MS4A4E: variants seen among roughly 807,000 people sequenced by gnomAD.
MS4A4E encodes the protein membrane spanning 4-domains A4E.
Under a neutral mutation model 13.3 loss-of-function variants are expected in MS4A4E, and 23 were observed. That is an observed-to-expected ratio of 1.73 (90% CI 1.25 to 2.45). The LOEUF (loss-of-function observed/expected upper bound fraction) is 2.45, where lower values mean the gene tolerates loss of function less well. Ranked by LOEUF, MS4A4E falls within the 30% of genes most tolerant of loss-of-function variation. The pLI is 0.00. For missense variants in MS4A4E, 144 were observed against 131.2 expected (o/e 1.10, Z -0.48); for synonymous variants, 36 against 45.6 (o/e 0.79, Z 0.85).
chr11:60,239,649 A>T (rs2084525047), intron 1 of MS4A4E, among the ~76,000 whole-genome samples: 1 of 152,202 alleles, frequency 6.6e-6, no homozygotes, highest in Non-Finnish European at 1.5e-5. Context: ...GACTAGGTAG[A>T]TACAAGACTA....
At chr11:60,209,800 A>C (rs2084096418) in intron 5 of MS4A4E, among the ~76,000 whole-genome samples, 1 of 152,240 alleles carries the variant, frequency 6.6e-6, no homozygotes, top group Non-Finnish European at 1.5e-5. Flanking sequence ...CTCCATGGTT[A>C]GGGATAGTCC....
chr11:60,228,672 T>A, intron 2 of MS4A4E, 45 bp from the exon 3 acceptor site: 1 of 691,342 alleles, frequency 1.4e-6, no homozygotes. Context: ...ATTGCCAAAG[T>A]TTGGAAGCCA....
At chr11:60,219,010 C>T (rs1158184612) in intron 3 of MS4A4E, among the ~76,000 whole-genome samples, 1 of 152,082 alleles carries the variant, frequency 6.6e-6, no homozygotes, top group Non-Finnish European at 1.5e-5. Context: ...TAAAAGATGG[C>T]CCACTGTGGG....
rs2083984654 is a variant in MS4A4E, at chr11:60,201,289, G to A, written c.*254C>T. 6.4e-6 allele frequency: 1 copy of A among 157,480 alleles called. No individual in the cohort carries two copies. Among genetic ancestry groups the A allele is most frequent in the African/African-American group, 2.5e-5 (1 of 39,964 alleles). The allele number at this position is 157,480 out of a possible 1,614,324, so 9.8% of individuals were successfully genotyped here. A position where few individuals can be genotyped will look rare whatever the true frequency, so the allele number is the denominator to read the frequency against. ...CGGATGGGGCAGCTGGCCTGGCGGG[G>A]GCTGACCCCCACCTCCCTCCCGGAC... On this transcript the variant is annotated 3_prime_UTR_variant, in exon 9 of 9. Transcript: ENST00000651255.
intron 1 of MS4A4E, among the ~76,000 whole-genome samples, chr11:60,240,528 C>A (rs1377452935): frequency 1.3e-5 from 2 of 152,140 alleles, no homozygotes; most frequent in Non-Finnish European, 2.9e-5. Context: ...ATTTCACCAC[C>A]TTTAGTATAA....
At chr11:60,225,375 G>A (rs12294531) in intron 3 of MS4A4E, among the ~76,000 whole-genome samples, 1,606 of 152,168 alleles carry the variant, frequency 0.011, 35 homozygotes, top group African/African-American at 0.036. Context: ...TACTTCTACC[G>A]CAACTGTTTC....
At chr11:60,215,861 A>G (rs937541068) in intron 3 of MS4A4E, among the ~76,000 whole-genome samples, 1 of 152,218 alleles carries the variant, frequency 6.6e-6, no homozygotes, top group Non-Finnish European at 1.5e-5. Flanking sequence ...AAAATGTTAT[A>G]TACAGAAATT....
chr11:60,222,620 A>AC (rs552115493), intron 3 of MS4A4E, among the ~76,000 whole-genome samples: 120 of 152,240 alleles, frequency 7.9e-4, no homozygotes, highest in African/African-American at 2.8e-3. Context: ...ACTTACCATC[A>AC]CCCCTAGTGA....
rs1341262336 is a variant in MS4A4E at position 60,200,962 on chromosome 11, TG to T, written c.*580del. Among the ~76,000 whole-genome samples, 3 of 108,314 alleles carry T rather than the reference TG, an allele frequency of 2.8e-5. No homozygotes were observed. Among genetic ancestry groups the T allele is most frequent in the South Asian group, 3.5e-4 (1 of 2,890 alleles). 71.1% of individuals were successfully genotyped at this position (108,314 alleles called of 152,430 possible). A position where few individuals can be genotyped will look rare whatever the true frequency, so the allele number is the denominator to read the frequency against. ...CTCCCGGACGGGGCGGCTGGCCGGG[TG>T]GGGGGCTGAACCCCCCACCTCCCTC... On this transcript the variant is annotated 3_prime_UTR_variant, in exon 9 of 9. Coordinates refer to ENST00000651255, the MANE Select transcript of MS4A4E (RefSeq NM_001393391.1).
intron 3 of MS4A4E, among the ~76,000 whole-genome samples, chr11:60,217,556 G>T (rs934719696): frequency 7.2e-5 from 11 of 152,190 alleles, no homozygotes; most frequent in African/African-American, 2.7e-4. Flanking sequence ...GTTGTGGGAA[G>T]TCAGGGACCC....
rs138796674 is a variant in MS4A4E at position 60,228,567 on chromosome 11, A to G, written c.178+27T>C. On this transcript the variant is annotated intron_variant, in intron 3 of 8. Coordinates refer to ENST00000651255, the MANE Select transcript of MS4A4E (RefSeq NM_001393391.1). ...TTCTTACAAAACTAAACATACTCTTACAATACAATATAGTAATCATACTTA... is the reference window on the plus strand; with the variant it reads ...TTCTTACAAAACTAAACATACTCTTGCAATACAATATAGTAATCATACTTA... 1.4e-3 allele frequency: 964 copies of G among 668,972 alleles called. 18 individuals carry two copies. In the Admixed American group the frequency reaches 0.019, roughly 13 times the overall value. 41.4% of individuals were successfully genotyped at this position (668,972 alleles called of 1,614,324 possible). A position where few individuals can be genotyped will look rare whatever the true frequency, so the allele number is the denominator to read the frequency against.
intron 3 of MS4A4E, among the ~76,000 whole-genome samples, chr11:60,218,586 C>A (rs1357382066): frequency 6.6e-6 from 1 of 152,076 alleles, no homozygotes; most frequent in Admixed American, 6.5e-5. Context: ...CAGAAAAGAA[C>A]CTACGTGACT....
At chr11:60,218,891 G>A (rs1455384405) in intron 3 of MS4A4E, among the ~76,000 whole-genome samples, 1 of 152,186 alleles carries the variant, frequency 6.6e-6, no homozygotes, top group Admixed American at 6.5e-5. Flanking sequence ...GTTGGATCAG[G>A]CTGAATTTAT....
In MS4A4E at chr11:60,201,679, G is replaced by C. The variant is rs867065020; in HGVS notation, c.860C>G (p.Ala287Gly). 7.4e-6 allele frequency: 2 copies of C among 268,704 alleles called. No individual in the cohort carries two copies. Among genetic ancestry groups the C allele is most frequent in the Non-Finnish European group, 7.7e-6 (1 of 130,652 alleles). 16.6% of individuals were successfully genotyped at this position (268,704 alleles called of 1,614,324 possible). The change falls in exon 9 of 9, where the codon GCC (alanine) becomes GGC (glycine). Residue 287 changes from alanine to glycine, a missense_variant. Ala to Gly is a moderately conservative substitution (Grantham distance 60). Transcript: ENST00000651255. Reference sequence around the variant, plus strand: ...CTCACTTTCCAGACTGGGCAGCCAGGCAGAGGGGCTCCTCACGTCCCAGAC... The same window carrying C: ...CTCACTTTCCAGACTGGGCAGCCAGCCAGAGGGGCTCCTCACGTCCCAGAC... ...PIVWDVRSPSAWLPSLESEER... is the reference protein window; with the variant it reads ...PIVWDVRSPSGWLPSLESEER...
At chr11:60,218,830 A>C (rs1471322946) in intron 3 of MS4A4E, among the ~76,000 whole-genome samples, 2 of 152,250 alleles carry the variant, frequency 1.3e-5, no homozygotes, top group Admixed American at 1.3e-4. Context: ...TCTGGAAAAC[A>C]GGCATGGGAA....
At position 60,210,046 on chromosome 11, in the gene MS4A4E, C is replaced by A. The variant is rs568027933; in HGVS notation, c.382-1352G>T. ...TCTAGAAGTGTAGACTAGAAGATGG[C>A]AAGCTTTCCGTAAAGGCCAGATAAT... On this transcript the variant is annotated intron_variant, in intron 5 of 8. Coordinates refer to ENST00000651255, the MANE Select transcript of MS4A4E (RefSeq NM_001393391.1). 3.3e-5 allele frequency among the ~76,000 whole-genome samples: 5 copies of A among 152,334 alleles called. No individual in the cohort carries two copies. In the South Asian group the frequency reaches 1.0e-3, roughly 32 times the overall value.
intron 3 of MS4A4E, among the ~76,000 whole-genome samples, chr11:60,221,985 G>A (rs1334601371): frequency 1.3e-5 from 2 of 152,148 alleles, no homozygotes; most frequent in South Asian, 2.1e-4. Context: ...AGGGATGGAG[G>A]ATATGCATGG....
At chr11:60,235,939 T>C (rs996036915) in intron 1 of MS4A4E, among the ~76,000 whole-genome samples, 10 of 152,352 alleles carry the variant, frequency 6.6e-5, no homozygotes, top group Middle Eastern at 3.4e-3. Context: ...CTTTGAGCTG[T>C]TTTGTTTGGT....
intron 1 of MS4A4E, among the ~76,000 whole-genome samples, chr11:60,240,517 C>A (rs2084535621): frequency 6.6e-6 from 1 of 152,168 alleles, no homozygotes; most frequent in African/African-American, 2.4e-5. Flanking sequence ...CCTTTCTTTG[C>A]ATTTCACCAC....
Sources: gnomAD v4.1 joint callset for allele counts (sites outside exome capture counted in the v4.1 genomes callset) on GRCh38, gnomAD v4.1.1 for gene constraint, MANE v1.5 for transcripts, NCBI Gene and HGNC (gene_info 2026-07-23, HGNC 2026-07-21) for gene names.